The following CSMD1 variants were observed in gnomAD, a reference collection of about 807,000 sequenced individuals.
CSMD1 encodes the protein CUB and sushi domain-containing protein 1.
CSMD1 carries 213 observed loss-of-function variants against 417.5 expected under a neutral mutation model. The ratio of observed to expected loss-of-function variants is 0.51; its 90% confidence interval spans 0.46 to 0.57. CSMD1 has a LOEUF of 0.57. Ranked by LOEUF, CSMD1 falls within the 20% of genes least tolerant of loss-of-function variation. CSMD1 has a pLI of 0.00. For missense variants in CSMD1, 6,923 were observed against 4,529.7 expected, an observed-to-expected ratio of 1.53 and a Z score of -15.17; for synonymous variants, 2,862 against 1,736.8, an observed-to-expected ratio of 1.65 and a Z score of -16.11.
At chr8:3,479,566 C>T (rs1214880583) in intron 11 of CSMD1, among the ~76,000 whole-genome samples, 3 of 152,210 alleles carry the variant, frequency 2.0e-5, no homozygotes, top group Non-Finnish European at 4.4e-5. Flanking sequence ...AGGTGTGAGC[C>T]ACCGCGCCCA....
chr8:4,391,401 G>A (rs1417871967), intron 3 of CSMD1, among the ~76,000 whole-genome samples: 1 of 152,128 alleles, frequency 6.6e-6, no homozygotes, highest in Non-Finnish European at 1.5e-5. Context: ...AGACTTTGAA[G>A]ACTAGGCTTT....
At chr8:4,192,443 T>C (rs1457657759) in intron 3 of CSMD1, among the ~76,000 whole-genome samples, 20 of 152,164 alleles carry the variant, frequency 1.3e-4, no homozygotes, top group Admixed American at 1.3e-3. Context: ...TACCTTCCTC[T>C]GTGTGGCTCT....
chr8:4,250,110 A>G (rs186879050), intron 3 of CSMD1, among the ~76,000 whole-genome samples: 1 of 152,278 alleles, frequency 6.6e-6, no homozygotes, highest in African/African-American at 2.4e-5. Context: ...ACTCAGCAAG[A>G]AAGCCCCTGA....
chr8:3,232,734 A>G (rs1284274873), intron 26 of CSMD1, among the ~76,000 whole-genome samples: 3 of 151,970 alleles, frequency 2.0e-5, no homozygotes, highest in African/African-American at 7.3e-5. Context: ...ATTTCTCTCG[A>G]CCATCTTAGC....
intron 49 of CSMD1, among the ~76,000 whole-genome samples, chr8:3,075,182 C>T (rs993770998): frequency 6.6e-6 from 1 of 152,146 alleles, no homozygotes; most frequent in African/African-American, 2.4e-5. Context: ...TGCTGCCATA[C>T]TTCCTGTCCA....
At chr8:3,402,763 A>G (rs986075759) in intron 15 of CSMD1, among the ~76,000 whole-genome samples, 1 of 152,154 alleles carries the variant, frequency 6.6e-6, no homozygotes, top group African/African-American at 2.4e-5. Flanking sequence ...ATTGATATTA[A>G]CAACTCACTC....
At chr8:3,254,457 T>A (rs1341650495) in intron 26 of CSMD1, among the ~76,000 whole-genome samples, 1 of 152,228 alleles carries the variant, frequency 6.6e-6, no homozygotes, top group East Asian at 1.9e-4. Flanking sequence ...CTGGTTTATA[T>A]CCTGCAGAGT....
At chr8:4,736,973 T>C (rs1158862025) in intron 1 of CSMD1, among the ~76,000 whole-genome samples, 3 of 152,330 alleles carry the variant, frequency 2.0e-5, no homozygotes, top group East Asian at 1.9e-4. Context: ...TATTCTCTCA[T>C]GGCTGCTTCT....
intron 10 of CSMD1, among the ~76,000 whole-genome samples, chr8:3,494,309 T>A (rs1796269467): frequency 1.3e-5 from 2 of 152,198 alleles, no homozygotes; most frequent in South Asian, 4.1e-4. Context: ...CAATGGTTTA[T>A]GTTTGATGTG....
chr8:3,988,504 G>A (rs1171461480), intron 5 of CSMD1, among the ~76,000 whole-genome samples: 1 of 152,190 alleles, frequency 6.6e-6, no homozygotes. Flanking sequence ...GCACCAACCA[G>A]AGCTGAACGA....
intron 10 of CSMD1, among the ~76,000 whole-genome samples, chr8:3,539,022 T>C (rs984287654): frequency 6.6e-6 from 1 of 152,098 alleles, no homozygotes; most frequent in African/African-American, 2.4e-5. Flanking sequence ...TCCAAACACA[T>C]TAGGACAGCC....
chr8:3,156,689 T>A lies in CSMD1; in HGVS notation c.5914+1208A>T, dbSNP rs997454275. ...AAAAAATAAAAAGAAAGGCAGAAAA[T>A]CTATGATGAACAAAATATGAAAATT... On this transcript the variant is annotated intron_variant, in intron 39 of 69. Transcript: ENST00000635120. Among the ~76,000 whole-genome samples the A allele has an allele frequency of 2.0e-5, 3 of 152,068 alleles. No homozygotes were observed. In the South Asian group the frequency reaches 6.2e-4, roughly 32 times the overall value.
At chr8:3,479,363 C>G (rs1033216622) in intron 11 of CSMD1, among the ~76,000 whole-genome samples, 5 of 152,194 alleles carry the variant, frequency 3.3e-5, no homozygotes, top group African/African-American at 1.2e-4. Flanking sequence ...TCACCGCAAC[C>G]TCCGCCTCCT....
At chr8:4,681,017 G>A (rs1297090169) in intron 1 of CSMD1, among the ~76,000 whole-genome samples, 4 of 149,556 alleles carry the variant, frequency 2.7e-5, no homozygotes, top group Non-Finnish European at 5.9e-5. Context: ...AGAAAGTCAT[G>A]CAACCTCTGG....
intron 3 of CSMD1, among the ~76,000 whole-genome samples, chr8:4,127,333 G>A (rs1802823357): frequency 6.6e-6 from 1 of 151,216 alleles, no homozygotes; most frequent in Non-Finnish European, 1.5e-5. Context: ...CTTTCTGGCA[G>A]TACAAGCCTC....
chr8:3,671,257 T>G (rs1799019269), intron 7 of CSMD1, among the ~76,000 whole-genome samples: 1 of 105,108 alleles, frequency 9.5e-6, no homozygotes, highest in South Asian at 3.4e-4. Flanking sequence ...GATATATATA[T>G]GTATATATAT....
At chr8:3,610,291 T>C (rs1037257771) in intron 8 of CSMD1, among the ~76,000 whole-genome samples, 4 of 152,138 alleles carry the variant, frequency 2.6e-5, no homozygotes, top group African/African-American at 7.2e-5. Flanking sequence ...CCAGCAATTT[T>C]GAATGTCAAG....
At chr8:3,282,768 T>C (rs1490163173) in intron 26 of CSMD1, among the ~76,000 whole-genome samples, 1 of 152,154 alleles carries the variant, frequency 6.6e-6, no homozygotes, top group African/African-American at 2.4e-5. Context: ...TAAGAAATTG[T>C]GCAGACTATA....
Position 3,674,569 on chromosome 8 carries a change from A to G in CSMD1, c.1009+33845T>C, listed in dbSNP as rs374591309. Among the ~76,000 whole-genome samples, 3 of 150,144 alleles carry G rather than the reference A, an allele frequency of 2.0e-5. No individual in the cohort carries two copies. The Admixed American group carries it at 2.0e-4, about 10-fold the overall frequency. On this transcript the variant is annotated intron_variant, in intron 7 of 69. Transcript: ENST00000635120. The stretch of plus-strand genomic sequence containing the variant: ...AAATGCTTACTATGTATCATGTACT[A>G]CATTAAGCTACTGCAAAATATATTA...
Sources: gnomAD v4.1 joint callset for allele counts (sites outside exome capture counted in the v4.1 genomes callset) on GRCh38, gnomAD v4.1.1 for gene constraint, MANE v1.5 for transcripts, NCBI Gene and HGNC (gene_info 2026-07-23, HGNC 2026-07-21) for gene names.